The following MIS18A variants were observed in gnomAD, a reference collection of about 807,000 sequenced individuals.
MIS18A encodes MIS18 kinetochore protein A.
In MIS18A, 14 loss-of-function variants were observed where a neutral mutation model predicts 25.0. That is an observed-to-expected ratio of 0.56 (90% CI 0.37 to 0.88). The LOEUF (loss-of-function observed/expected upper bound fraction) is 0.88, where lower values mean the gene tolerates loss of function less well. Ranked by LOEUF, MIS18A falls within the 40% of genes least tolerant of loss-of-function variation. The probability of loss-of-function intolerance (pLI) is 0.00; values close to 1 mark genes in which losing one functional copy is unlikely to be tolerated. For synonymous variants in MIS18A, 134 were observed against 118.6 expected, an observed-to-expected ratio of 1.13 and a Z score of -0.84; for missense variants, 292 against 290.8, an observed-to-expected ratio of 1.00 and a Z score of -0.03.
the MIS18A span, among the ~76,000 whole-genome samples, chr21:32,233,662 A>G: frequency 2.0e-5 from 3 of 152,070 alleles, no homozygotes; most frequent in Non-Finnish European, 4.4e-5. Context: ...TCCTCCTGGG[A>G]GCTGTAATTC....
the MIS18A span, among the ~76,000 whole-genome samples, chr21:32,181,326 T>C: frequency 6.6e-6 from 1 of 152,158 alleles, no homozygotes; most frequent in East Asian, 1.9e-4. Flanking sequence ...AGGTAGTAGA[T>C]CGTAGGACTC....
the MIS18A span, among the ~76,000 whole-genome samples, chr21:32,206,503 G>A: frequency 6.6e-6 from 1 of 152,158 alleles, no homozygotes; most frequent in East Asian, 1.9e-4. Flanking sequence ...TTGTCTTGGA[G>A]TTTTAGCTTA....
At chr21:32,166,569 C>A in the MIS18A span, among the ~76,000 whole-genome samples, 2 of 151,918 alleles carry the variant, frequency 1.3e-5, no homozygotes, top group South Asian at 2.1e-4. Flanking sequence ...AAAGCTGGAA[C>A]AAATTGAGTA....
the MIS18A span, chr21:32,260,083 G>GTTTTTTTTTTTTTTTTTT: frequency 4.3e-5 from 3 of 69,912 alleles, no homozygotes; most frequent in African/African-American, 2.2e-4. Flanking sequence ...ATTTTTCTCA[G>GTTTTTTTTTTTTTTTTTT]CTTTTTTTTT....
chr21:32,167,612 A>G, the MIS18A span, among the ~76,000 whole-genome samples: 3,843 of 152,320 alleles, frequency 0.025, 165 homozygotes, highest in East Asian at 0.11. Context: ...AACCAAAAAC[A>G]GCATAAGAGA....
chr21:32,277,215 T>C (rs1844948033), intron 1 of MIS18A, among the ~76,000 whole-genome samples: 1 of 152,218 alleles, frequency 6.6e-6, no homozygotes, highest in Non-Finnish European at 1.5e-5. Flanking sequence ...TAAACTACTA[T>C]TTTAGAACTA....
intron 1 of MIS18A, 120 bp downstream of exon 1, chr21:32,278,561 T>C: frequency 9.4e-7 from 1 of 1,068,876 alleles, no homozygotes; most frequent in Non-Finnish European, 1.3e-6. Flanking sequence ...CTCAGACTTT[T>C]TGCTCTTAAA....
chr21:32,259,278 C>T, the MIS18A span, among the ~76,000 whole-genome samples: 2 of 152,186 alleles, frequency 1.3e-5, no homozygotes, highest in African/African-American at 2.4e-5. Flanking sequence ...CTCCTCGCTC[C>T]AAGACCGCAG....
At chr21:32,254,834 T>C in the MIS18A span, among the ~76,000 whole-genome samples, 3 of 152,188 alleles carry the variant, frequency 2.0e-5, no homozygotes, top group Non-Finnish European at 2.9e-5. Flanking sequence ...GATTCATTCA[T>C]TATATGGCAC....
chr21:32,160,285 A>AACACAC, the MIS18A span, among the ~76,000 whole-genome samples: 3,588 of 145,618 alleles, frequency 0.025, 95 homozygotes, highest in Admixed American at 0.081. Flanking sequence ...ACACCTCTGC[A>AACACAC]ACACACACAC....
the MIS18A span, among the ~76,000 whole-genome samples, chr21:32,231,390 A>C: frequency 6.6e-6 from 1 of 152,214 alleles, no homozygotes; most frequent in Non-Finnish European, 1.5e-5. Flanking sequence ...GATCTGAACA[A>C]ATAAACCATG....
At chr21:32,177,480 TG>T in the MIS18A span, among the ~76,000 whole-genome samples, 1 of 152,108 alleles carries the variant, frequency 6.6e-6, no homozygotes, top group South Asian at 2.1e-4. Context: ...ATGCAAGTAT[TG>T]GAAAGTAAGA....
chr21:32,161,781 T>A, the MIS18A span, among the ~76,000 whole-genome samples: 1 of 150,894 alleles, frequency 6.6e-6, no homozygotes, highest in East Asian at 1.9e-4. Flanking sequence ...CATGAGCCAC[T>A]GCACCTGGCC....
At chr21:32,206,477 G>A in the MIS18A span, among the ~76,000 whole-genome samples, 1 of 151,886 alleles carries the variant, frequency 6.6e-6, no homozygotes, top group Non-Finnish European at 1.5e-5. Context: ...TGAAATGTGG[G>A]ATTCATCAGC....
chr21:32,251,223 G>C, the MIS18A span, among the ~76,000 whole-genome samples: 1 of 152,118 alleles, frequency 6.6e-6, no homozygotes, highest in East Asian at 1.9e-4. Context: ...TAATACAACA[G>C]GTAACACAAA....
intron 1 of MIS18A, among the ~76,000 whole-genome samples, chr21:32,277,652 T>C (rs2031840574): frequency 6.6e-6 from 1 of 152,134 alleles, no homozygotes; most frequent in Non-Finnish European, 1.5e-5. Context: ...TCTGGAATTT[T>C]TGTATTTTTA....
the MIS18A span, among the ~76,000 whole-genome samples, chr21:32,252,883 A>G: frequency 3.3e-5 from 5 of 152,234 alleles, no homozygotes; most frequent in Non-Finnish European, 5.9e-5. Context: ...TCGTTGGCAG[A>G]CAGGTGGTGC....
At chr21:32,221,633 A>T in the MIS18A span, among the ~76,000 whole-genome samples, 2 of 150,860 alleles carry the variant, frequency 1.3e-5, no homozygotes, top group Non-Finnish European at 2.9e-5. Context: ...TAATCCCAGC[A>T]TTTTGGGAGG....
At chr21:32,269,550 TC>T in intron 4 of MIS18A, 156 bp downstream of exon 4, 1 of 553,078 alleles carries the variant, frequency 1.8e-6, no homozygotes, top group South Asian at 2.7e-5. Context: ...GCTTTTGAGT[TC>T]CCCAAAAATC....
Sources: allele counts gnomAD v4.1 joint callset (sites outside exome capture counted in the v4.1 genomes callset), GRCh38; gene constraint gnomAD v4.1.1; transcripts MANE v1.5; gene names NCBI Gene and HGNC (gene_info 2026-07-23, HGNC 2026-07-21).